ACSM3: variants seen among roughly 807,000 people sequenced by gnomAD.
ACSM3 encodes the protein acyl-CoA synthetase medium chain family member 3.
In ACSM3, 61 loss-of-function variants were observed where a neutral mutation model predicts 74.1. The observed-to-expected ratio is 0.82, with a 90% CI of 0.67 to 1.02. ACSM3 has a LOEUF of 1.02. Ranked by LOEUF, ACSM3 falls within the 50% of genes least tolerant of loss-of-function variation. The probability of loss-of-function intolerance (pLI) is 0.00; values close to 1 mark genes in which losing one functional copy is unlikely to be tolerated. For missense variants in ACSM3, 660 were observed against 697.0 expected, an observed-to-expected ratio of 0.95 and a Z score of 0.60; for synonymous variants, 213 against 241.5, an observed-to-expected ratio of 0.88 and a Z score of 1.09.
intron 1 of ACSM3, among the ~76,000 whole-genome samples, chr16:20,701,563 T>A (rs891616534): frequency 2.0e-5 from 3 of 152,152 alleles, no homozygotes; most frequent in African/African-American, 7.2e-5. Flanking sequence ...CTGGGATGCA[T>A]GTGCAGAACA....
intron 3 of ACSM3, among the ~76,000 whole-genome samples, chr16:20,756,855 C>A (rs2080035615): frequency 6.6e-6 from 1 of 152,110 alleles, no homozygotes; most frequent in Non-Finnish European, 1.5e-5. Flanking sequence ...CTACATATGG[C>A]TAGCCAGTTT....
chr16:20,761,095 A>G (rs888106458), upstream of ACSM3, among the ~76,000 whole-genome samples: 1 of 149,302 alleles, frequency 6.7e-6, no homozygotes, highest in African/African-American at 2.4e-5. Flanking sequence ...ACCAATGTAT[A>G]CACATTTTTT....
upstream of ACSM3, among the ~76,000 whole-genome samples, chr16:20,761,099 A>ATT (rs74552915): frequency 6.8e-6 from 1 of 146,752 alleles, no homozygotes; most frequent in Non-Finnish European, 1.5e-5. Context: ...ATGTATACAC[A>ATT]TTTTTTTTTT....
intron 4 of ACSM3, among the ~76,000 whole-genome samples, chr16:20,778,986 C>T (rs1207443857): frequency 1.3e-5 from 2 of 152,172 alleles, no homozygotes; most frequent in Non-Finnish European, 2.9e-5. Context: ...CTCCTGACTT[C>T]ATGATCTGCC....
chr16:20,712,500 A>G (rs1454684842), intron 1 of ACSM3, among the ~76,000 whole-genome samples: 1 of 152,180 alleles, frequency 6.6e-6, no homozygotes, highest in Non-Finnish European at 1.5e-5. Flanking sequence ...TGTTGTTTTG[A>G]GGATAAATTA....
At position 20,780,779 on chromosome 16, in the gene ACSM3, C is replaced by T; in HGVS notation, c.704C>T (p.Thr235Ile). The stretch of plus-strand genomic sequence containing the variant: ...AATGAGATCATGGCCATATTCTTTA[C>T]CAGTGGAACAAGTGGATATCCGAAA... ...KHNEIMAIFF[T>I]SGTSGYPKMT... Residue 235 changes from threonine (T) to isoleucine (I), a missense_variant, in exon 5 of 14, where the codon ACC (threonine) becomes ATC (isoleucine). By Grantham distance (89) the Thr-to-Ile change is moderately conservative. Transcript: ENST00000289416. The T allele has an allele frequency of 5.6e-6, 9 of 1,614,160 alleles. No homozygotes were observed. The highest frequency in any genetic ancestry group is 1.6e-4 in the Middle Eastern group (1 of 6,062).
chr16:20,719,337 GT>G, intron 1 of ACSM3: 1 of 258,594 alleles, frequency 3.9e-6, no homozygotes, highest in Non-Finnish European at 8.0e-6. Flanking sequence ...TGGAGCCTGT[GT>G]TTTTATGCAT....
At chr16:20,737,910 G>A (rs956102024) in intron 1 of ACSM3, 2 of 1,613,086 alleles carry the variant, frequency 1.2e-6, no homozygotes, top group Non-Finnish European at 1.7e-6. Context: ...TCTTTTTCTT[G>A]GTTTTGTACA....
chr16:20,760,305 C>T (rs532024189), upstream of ACSM3, among the ~76,000 whole-genome samples: 7 of 152,148 alleles, frequency 4.6e-5, no homozygotes, highest in Admixed American at 3.3e-4. Flanking sequence ...TCCTTTGTTG[C>T]GGGACAATCA....
rs1190018424 is a variant in ACSM3, at chr16:20,738,080, G to C, written c.-189-11830G>C. The stretch of plus-strand genomic sequence containing the variant: ...GAAATTCTCATAATGAATTTTAAAT[G>C]AATCTACCTAGTCATTCTTTCCAAA... On this transcript the variant is annotated intron_variant, in intron 1 of 3. Transcript: ENST00000561584. 11 of 889,852 alleles carry C rather than the reference G, an allele frequency of 1.2e-5. No homozygotes were observed. The Middle Eastern group carries it at 9.6e-4, about 78-fold the overall frequency. 55.1% of individuals were successfully genotyped at this position (889,852 alleles called of 1,614,324 possible).
chr16:20,742,090 C>A (rs1302982593), intron 1 of ACSM3: 31 of 1,297,792 alleles, frequency 2.4e-5, no homozygotes, highest in Non-Finnish European at 2.3e-5. Context: ...TTCCTCCAGC[C>A]TTCCCTATAA....
chr16:20,697,299 G>T (rs1296244225), intron 1 of ACSM3, among the ~76,000 whole-genome samples: 3 of 152,032 alleles, frequency 2.0e-5, no homozygotes, highest in Admixed American at 2.0e-4. Context: ...AGATAGAAAA[G>T]ATTTCCTTCA....
chr16:20,761,694 G>A (rs2080078190), upstream of ACSM3, among the ~76,000 whole-genome samples: 1 of 152,182 alleles, frequency 6.6e-6, no homozygotes, highest in Non-Finnish European at 1.5e-5. Context: ...GTTGCAGTAG[G>A]TGCCAGGGAA....
At chr16:20,741,489 GCCCA>G (rs1372670475) in intron 1 of ACSM3, 2 of 650,268 alleles carry the variant, frequency 3.1e-6, no homozygotes, top group Non-Finnish European at 4.1e-6. Flanking sequence ...CGGCCCGCCC[GCCCA>G]CCCCGGGACC....
chr16:20,737,757 A>T, intron 1 of ACSM3: 1 of 1,613,682 alleles, frequency 6.2e-7, no homozygotes, highest in Admixed American at 1.7e-5. Context: ...TGTTATTTCG[A>T]GATTTGTACA....
intron 1 of ACSM3, among the ~76,000 whole-genome samples, chr16:20,717,816 A>C (rs2079767759): frequency 6.6e-6 from 1 of 151,340 alleles, no homozygotes; most frequent in South Asian, 2.1e-4. Flanking sequence ...TAAAAAAAGA[A>C]GAAGAGGAAG....
chr16:20,710,360 T>G (rs2079740328), intron 1 of ACSM3, among the ~76,000 whole-genome samples: 1 of 152,184 alleles, frequency 6.6e-6, no homozygotes, highest in Non-Finnish European at 1.5e-5. Context: ...TAAAAATATT[T>G]AGAATACACA....
At chr16:20,737,976 TAAG>T (rs1329005993) in intron 1 of ACSM3, 16 of 1,562,590 alleles carry the variant, frequency 1.0e-5, no homozygotes, top group Middle Eastern at 1.9e-4. Context: ...AAAAAAAAGT[TAAG>T]AAGATAATTT....
At chr16:20,719,281 G>T in intron 1 of ACSM3, 1 of 234,828 alleles carries the variant, frequency 4.3e-6, no homozygotes, top group Non-Finnish European at 9.3e-6. Flanking sequence ...TCTGACACAG[G>T]CTGGGTCAAG....
Sources: gnomAD v4.1 joint callset for allele counts (sites outside exome capture counted in the v4.1 genomes callset) on GRCh38, gnomAD v4.1.1 for gene constraint, MANE v1.5 for transcripts, NCBI Gene and HGNC (gene_info 2026-07-23, HGNC 2026-07-21) for gene names.